The following GPC5 variants were observed in gnomAD, a reference collection of about 807,000 sequenced individuals.
GPC5 encodes glypican 5, also known as glypican-5.
In GPC5, 47 loss-of-function variants were observed where a neutral mutation model predicts 53.9. That is an observed-to-expected ratio of 0.87 (90% CI 0.69 to 1.11). GPC5 has a LOEUF of 1.11. Among genes scored for constraint, GPC5 ranks in the 50% most tolerant of loss-of-function variants. GPC5 has a pLI of 0.00. For synonymous variants in GPC5, 286 were observed against 263.3 expected (o/e 1.09, Z -0.84); for missense variants, 748 against 713.1 (o/e 1.05, Z -0.56).
chr13:92,010,045 A>G (rs1441076274), intron 6 of GPC5, among the ~76,000 whole-genome samples: 1 of 152,200 alleles, frequency 6.6e-6, no homozygotes, highest in Non-Finnish European at 1.5e-5. Context: ...AAATGCATAA[A>G]CATATATAAG....
chr13:92,801,388 C>T (rs989385904), intron 7 of GPC5, among the ~76,000 whole-genome samples: 11 of 151,526 alleles, frequency 7.3e-5, no homozygotes, highest in African/African-American at 1.7e-4. Context: ...GTGTTTGTGG[C>T]GATGCTGGTG....
chr13:91,405,668 T>G (rs1238894152), intron 1 of GPC5, among the ~76,000 whole-genome samples: 4 of 152,194 alleles, frequency 2.6e-5, no homozygotes, highest in Non-Finnish European at 5.9e-5. Context: ...ACAGAGAACA[T>G]ACCTGCTAGG....
rs71661232 is a variant in GPC5, at chr13:91,543,530, CAA to C, written c.325+94610_325+94611del. 1.0e-2 allele frequency among the ~76,000 whole-genome samples: 792 copies of C among 79,304 alleles called. 5 individuals carry two copies. The highest frequency in any genetic ancestry group is 0.025 in the African/African-American group (766 of 30,620). 52.0% of individuals were successfully genotyped at this position (79,304 alleles called of 152,430 possible). ...CTCTTAATCTTACTACATGATTTTT[CAA>C]AGAGAGAGAGAGAGAGAATAAGGTT... On this transcript the variant is annotated intron_variant, in intron 2 of 7. Transcript: ENST00000377067.
At chr13:92,018,103 A>T (rs2040724881) in intron 6 of GPC5, among the ~76,000 whole-genome samples, 1 of 152,100 alleles carries the variant, frequency 6.6e-6, no homozygotes, top group African/African-American at 2.4e-5. Flanking sequence ...TCTGGAGCAA[A>T]TTCTCAGAAT....
At position 91,785,128 on chromosome 13, in the gene GPC5, C is replaced by T. The variant is rs117901312; in HGVS notation, c.1280+28708C>T. On this transcript the variant is annotated intron_variant, in intron 5 of 7. Transcript: ENST00000377067. The stretch of plus-strand genomic sequence containing the variant: ...CTCACCTCCATTGTTAATTTCTCCC[C>T]TTCTCTCCACCATCTTTAATATTGG... Among the ~76,000 whole-genome samples the T allele has an allele frequency of 1.0e-3, 159 of 152,332 alleles. 1 individual carries two copies. In the East Asian group the frequency reaches 0.029, roughly 28 times the overall value.
At chr13:92,842,359 T>G (rs1393739744) in intron 7 of GPC5, among the ~76,000 whole-genome samples, 1 of 152,092 alleles carries the variant, frequency 6.6e-6, no homozygotes, top group Non-Finnish European at 1.5e-5. Context: ...TTGAGAGTGA[T>G]GTGAAATAAT....
chr13:91,967,992 T>C (rs1412357936), intron 6 of GPC5, among the ~76,000 whole-genome samples: 1 of 152,152 alleles, frequency 6.6e-6, no homozygotes, highest in African/African-American at 2.4e-5. Flanking sequence ...GCTGTAACTA[T>C]GTATTCTTTG....
chr13:91,508,437 T>A (rs1194535597), intron 2 of GPC5, among the ~76,000 whole-genome samples: 1 of 152,192 alleles, frequency 6.6e-6, no homozygotes, highest in Non-Finnish European at 1.5e-5. Context: ...GGCATTGTAC[T>A]GGAAATTATG....
chr13:92,498,486 G>A (rs1458598252), intron 7 of GPC5, among the ~76,000 whole-genome samples: 1 of 152,156 alleles, frequency 6.6e-6, no homozygotes, highest in Admixed American at 6.5e-5. Flanking sequence ...TTATCAGGAA[G>A]CTACTGATCA....
chr13:92,706,079 ACT>A (rs1887940741), intron 7 of GPC5: 1 of 151,876 alleles, frequency 6.6e-6, no homozygotes, highest in Non-Finnish European at 1.5e-5. Flanking sequence ...AAAAAGAAAG[ACT>A]CTGTTGAGGT....
At chr13:92,035,636 T>C (rs925787524) in intron 6 of GPC5, among the ~76,000 whole-genome samples, 2 of 152,032 alleles carry the variant, frequency 1.3e-5, no homozygotes, top group African/African-American at 4.8e-5. Context: ...AATCCATTTA[T>C]ATACAGACTG....
intron 2 of GPC5, among the ~76,000 whole-genome samples, chr13:91,572,192 C>CATATGTATATATACGTGTGTGTATAT (rs1566517518): frequency 9.1e-6 from 1 of 110,316 alleles, no homozygotes; most frequent in Non-Finnish European, 1.7e-5. Context: ...TGTGTATACA[C>CATATGTATATATACGTGTGTGTATAT]ACACATATGT....
At chr13:92,240,376 G>A (rs2042602906) in intron 7 of GPC5, 1 of 151,900 alleles carries the variant, frequency 6.6e-6, no homozygotes, top group Admixed American at 6.6e-5. Flanking sequence ...TATTGACTAT[G>A]AAGCCTCTAG....
intron 7 of GPC5, among the ~76,000 whole-genome samples, chr13:92,400,401 A>G (rs1485014753): frequency 6.6e-6 from 1 of 152,182 alleles, no homozygotes; most frequent in Non-Finnish European, 1.5e-5. Flanking sequence ...TGATTTACCT[A>G]CTAACCCAAG....
intron 7 of GPC5, among the ~76,000 whole-genome samples, chr13:92,601,624 A>G (rs1884063153): frequency 6.6e-6 from 1 of 151,496 alleles, no homozygotes; most frequent in Admixed American, 6.6e-5. Context: ...TAGGCATTAC[A>G]TTGTTCTTAA....
At chr13:91,774,238 G>C (rs1445397) in intron 5 of GPC5, among the ~76,000 whole-genome samples, 1 of 151,930 alleles carries the variant, frequency 6.6e-6, no homozygotes, top group Admixed American at 6.5e-5. Flanking sequence ...TCTCTTGCCC[G>C]TCATGAAGCA....
chr13:92,814,034 T>C (rs1037948778), intron 7 of GPC5, among the ~76,000 whole-genome samples: 4 of 152,116 alleles, frequency 2.6e-5, no homozygotes, highest in Middle Eastern at 3.4e-3. Flanking sequence ...AAGACAGACA[T>C]GTGGATGAAA....
At chr13:92,666,070 T>C in intron 7 of GPC5, among the ~76,000 whole-genome samples, 1 of 152,224 alleles carries the variant, frequency 6.6e-6, no homozygotes, top group Non-Finnish European at 1.5e-5. Context: ...TTAGAATTGC[T>C]TTATATTGAA....
intron 7 of GPC5, among the ~76,000 whole-genome samples, chr13:92,786,791 C>A (rs1423733061): frequency 6.6e-6 from 1 of 152,060 alleles, no homozygotes; most frequent in African/African-American, 2.4e-5. Flanking sequence ...AGCCCCGGAC[C>A]AGACTCACTG....
Sources: gnomAD v4.1 joint callset for allele counts (sites outside exome capture counted in the v4.1 genomes callset) on GRCh38, gnomAD v4.1.1 for gene constraint, MANE v1.5 for transcripts, NCBI Gene and HGNC (gene_info 2026-07-23, HGNC 2026-07-21) for gene names.